The following ROCK2 variants were observed in gnomAD, a reference collection of about 807,000 sequenced individuals.
The protein encoded by ROCK2 is rho-associated protein kinase 2.
A neutral mutation model predicts 195.1 loss-of-function variants in ROCK2; 61 were observed. That is an observed-to-expected ratio of 0.31 (90% CI 0.25 to 0.39). The LOEUF is 0.39. Among genes scored for constraint, ROCK2 ranks in the 10% least tolerant of loss-of-function variants. The probability of loss-of-function intolerance (pLI) is 1.00; values close to 1 mark genes in which losing one functional copy is unlikely to be tolerated. For missense variants in ROCK2, 1,109 were observed against 1,637.4 expected, an observed-to-expected ratio of 0.68 and a Z score of 5.57; for synonymous variants, 504 against 545.5, an observed-to-expected ratio of 0.92 and a Z score of 1.06.
intron 3 of ROCK2, among the ~76,000 whole-genome samples, chr2:11,283,562 C>A (rs1194142597): frequency 5.2e-5 from 2 of 38,278 alleles, no homozygotes; most frequent in South Asian, 1.2e-3. Context: ...AGCGAGACTC[C>A]GTCTCAAAAA....
At chr2:11,203,115 T>C (rs955527697) in intron 20 of ROCK2, among the ~76,000 whole-genome samples, 11 of 152,020 alleles carry the variant, frequency 7.2e-5, no homozygotes, top group Non-Finnish European at 1.5e-4. Context: ...TAATCTTCAA[T>C]AAAGGAATAA....
In ROCK2 at chr2:11,219,009, G is replaced by T; in HGVS notation, c.1277C>A (p.Pro426Gln). 2.0e-6 allele frequency: 3 copies of T among 1,470,012 alleles called. No homozygotes were observed. The highest frequency in any genetic ancestry group is 1.9e-6 in the Non-Finnish European group (2 of 1,074,868). 91.1% of individuals were successfully genotyped at this position (1,470,012 alleles called of 1,614,324 possible). ...YRENLLLSDS[P>Q]SCRETDSIQS... ...TATGGAATCAGTTTCTCTACAAGAT[G>T]GAGAGTCACTTAATAATCTACATGG... Residue 426 changes from proline to glutamine, a missense_variant, in exon 10 of 33, where the codon CCA becomes CAA. Transcript: ENST00000315872.
chr2:11,223,950 T>C (rs1320506947), intron 7 of ROCK2, among the ~76,000 whole-genome samples: 2 of 152,116 alleles, frequency 1.3e-5, no homozygotes, highest in Non-Finnish European at 2.9e-5. Flanking sequence ...GATTATAACC[T>C]GTTGAGTATT....
Position 11,214,698 on chromosome 2 carries a change from T to G in ROCK2, c.1936+142A>C, listed in dbSNP as rs1024093065. 2.3e-5 allele frequency: 19 copies of G among 821,524 alleles called. No homozygotes were observed. In the African/African-American group the frequency reaches 2.9e-4, roughly 13 times the overall value. 50.9% of individuals were successfully genotyped at this position (821,524 alleles called of 1,614,324 possible). ...ATTAAATCTTTTGTTCCTAAAATTTTGTATCAGTGTATTTCTAATATTCTA... is the reference window on the plus strand; with the variant it reads ...ATTAAATCTTTTGTTCCTAAAATTTGGTATCAGTGTATTTCTAATATTCTA... On this transcript the variant is annotated intron_variant, in intron 16 of 32. Coordinates refer to ENST00000315872, the MANE Select transcript of ROCK2 (RefSeq NM_004850.5).
chr2:11,282,619 A>AAAAAAAAAAAAAAAAC (rs1553311626), intron 3 of ROCK2, among the ~76,000 whole-genome samples: 1 of 151,464 alleles, frequency 6.6e-6, no homozygotes, highest in Non-Finnish European at 1.5e-5. Context: ...AAAAAAAAAA[A>AAAAAAAAAAAAAAAAC]AAGAATCAAG....
At chr2:11,336,644 A>G (rs1316480154) in intron 1 of ROCK2, among the ~76,000 whole-genome samples, 3 of 152,220 alleles carry the variant, frequency 2.0e-5, no homozygotes. Flanking sequence ...GCAAATTTAA[A>G]AGTCCAACTG....
intron 3 of ROCK2, among the ~76,000 whole-genome samples, chr2:11,267,083 G>C (rs1666443836): frequency 6.6e-6 from 1 of 152,054 alleles, no homozygotes; most frequent in African/African-American, 2.4e-5. Context: ...GATAAATCAA[G>C]GTCTGTCATA....
At chr2:11,296,869 A>G (rs964837472) in intron 1 of ROCK2, among the ~76,000 whole-genome samples, 1 of 152,154 alleles carries the variant, frequency 6.6e-6, no homozygotes, top group African/African-American at 2.4e-5. Flanking sequence ...GGTACTAGTC[A>G]CTGTAACTCC....
chr2:11,240,395 T>A (rs1665380441), intron 4 of ROCK2, among the ~76,000 whole-genome samples: 1 of 152,192 alleles, frequency 6.6e-6, no homozygotes, highest in Admixed American at 6.5e-5. Context: ...GATATATTAT[T>A]TATTATAACA....
At chr2:11,184,255 G>T (rs1434336050) in intron 32 of ROCK2, among the ~76,000 whole-genome samples, 1 of 152,132 alleles carries the variant, frequency 6.6e-6, no homozygotes, top group Non-Finnish European at 1.5e-5. Flanking sequence ...TTCAATTCTT[G>T]CAAGTTGGAA....
chr2:11,189,106 C>T (rs1663319189), intron 32 of ROCK2, among the ~76,000 whole-genome samples: 1 of 151,584 alleles, frequency 6.6e-6, no homozygotes, highest in Non-Finnish European at 1.5e-5. Flanking sequence ...AAGAAAGACA[C>T]AGAGGAAAAG....
intron 27 of ROCK2, chr2:11,195,318 CAAA>C (rs35881542): frequency 3.0e-4 from 41 of 137,906 alleles, no homozygotes; most frequent in East Asian, 7.8e-4. Context: ...GAAAAGTTGC[CAAA>C]AAAAAAAAAA....
At chr2:11,184,110 CG>C (rs1339465847) in intron 32 of ROCK2, among the ~76,000 whole-genome samples, 2 of 152,150 alleles carry the variant, frequency 1.3e-5, no homozygotes, top group East Asian at 3.8e-4. Flanking sequence ...ATTCTCACAG[CG>C]TATCACTGAC....
chr2:11,322,954 C>G (rs1668444358), intron 1 of ROCK2, among the ~76,000 whole-genome samples: 1 of 152,116 alleles, frequency 6.6e-6, no homozygotes, highest in Admixed American at 6.6e-5. Flanking sequence ...GTGAAACGCT[C>G]TCTTCACTTG....
chr2:11,271,750 G>C (rs1336117608), intron 3 of ROCK2, among the ~76,000 whole-genome samples: 1 of 152,104 alleles, frequency 6.6e-6, no homozygotes, highest in Non-Finnish European at 1.5e-5. Flanking sequence ...GTTCGGGGCT[G>C]GGCGCGGTGG....
intron 3 of ROCK2, among the ~76,000 whole-genome samples, chr2:11,262,045 CACAG>C (rs1331714650): frequency 6.6e-6 from 1 of 152,062 alleles, no homozygotes. Flanking sequence ...CTGACTCCAC[CACAG>C]ACAAATGGAA....
intron 1 of ROCK2, among the ~76,000 whole-genome samples, chr2:11,314,456 C>G (rs1048998612): frequency 6.8e-6 from 1 of 147,616 alleles, no homozygotes; most frequent in African/African-American, 2.5e-5. Context: ...TTTATTGGTA[C>G]CAACATATTA....
chr2:11,279,824 G>A (rs1233666628), intron 3 of ROCK2, among the ~76,000 whole-genome samples: 1 of 152,114 alleles, frequency 6.6e-6, no homozygotes, highest in Non-Finnish European at 1.5e-5. Flanking sequence ...AAATCATACT[G>A]TGTCTATTCT....
At chr2:11,323,649 C>G (rs1050442530) in intron 1 of ROCK2, among the ~76,000 whole-genome samples, 3 of 152,044 alleles carry the variant, frequency 2.0e-5, no homozygotes, top group African/African-American at 7.2e-5. Context: ...TTCCTAAGTG[C>G]AGAATATTTT....
Sources: gnomAD v4.1 joint callset for allele counts (sites outside exome capture counted in the v4.1 genomes callset) on GRCh38, gnomAD v4.1.1 for gene constraint, MANE v1.5 for transcripts, NCBI Gene and HGNC (gene_info 2026-07-23, HGNC 2026-07-21) for gene names.